Variants in TRPM3 observed in about 807,000 individuals in gnomAD.
The protein encoded by TRPM3 is long transient receptor potential channel 3.
In TRPM3, 77 loss-of-function variants were observed where a neutral mutation model predicts 181.2. The observed-to-expected ratio is 0.42, with a 90% CI of 0.35 to 0.51. The LOEUF (loss-of-function observed/expected upper bound fraction) is 0.51. TRPM3 is among the 20% of genes least tolerant of loss of function. The probability of loss-of-function intolerance (pLI) is 0.01; values close to 1 mark genes in which losing one functional copy is unlikely to be tolerated. For synonymous variants in TRPM3, 745 were observed against 796.4 expected, an observed-to-expected ratio of 0.94 and a Z score of 1.09; for missense variants, 1,759 against 2,196.7, an observed-to-expected ratio of 0.80 and a Z score of 3.98.
At chr9:71,158,850 A>G (rs925780871) in intron 1 of TRPM3, among the ~76,000 whole-genome samples, 4 of 152,094 alleles carry the variant, frequency 2.6e-5, no homozygotes, top group Non-Finnish European at 5.9e-5. Context: ...GCATGAATAG[A>G]ACTAAAAAGA....
intron 5 of TRPM3, among the ~76,000 whole-genome samples, chr9:70,835,639 G>T (rs2094269679): frequency 6.6e-6 from 1 of 152,080 alleles, no homozygotes; most frequent in Non-Finnish European, 1.5e-5. Flanking sequence ...ACGCTTGCCA[G>T]TTGGGTGACC....
chr9:70,550,834 A>G (rs186194975), intron 24 of TRPM3, among the ~76,000 whole-genome samples: 1 of 152,326 alleles, frequency 6.6e-6, no homozygotes, highest in Admixed American at 6.5e-5. Context: ...AGAAAATACC[A>G]GAAATTAGAC....
chr9:71,289,742 C>G (rs1039210593), intron 1 of TRPM3, among the ~76,000 whole-genome samples: 1 of 151,696 alleles, frequency 6.6e-6, no homozygotes, highest in African/African-American at 2.4e-5. Context: ...GTGGCTCATG[C>G]TTGTAATCCC....
At chr9:70,997,952 A>G (rs2097557164) in intron 1 of TRPM3, among the ~76,000 whole-genome samples, 1 of 151,958 alleles carries the variant, frequency 6.6e-6, no homozygotes, top group South Asian at 2.1e-4. Context: ...AAGCCTCACA[A>G]TAGAATGTCC....
At chr9:71,282,955 T>C (rs1457434548) in intron 1 of TRPM3, among the ~76,000 whole-genome samples, 2 of 152,194 alleles carry the variant, frequency 1.3e-5, no homozygotes, top group African/African-American at 4.8e-5. Flanking sequence ...TTAGGCCTTC[T>C]TTCCTCCTTT....
At chr9:70,823,498 T>C (rs977935073) in intron 6 of TRPM3, among the ~76,000 whole-genome samples, 3 of 152,252 alleles carry the variant, frequency 2.0e-5, no homozygotes, top group Non-Finnish European at 2.9e-5. Context: ...ATTCAGGTTG[T>C]TGCATAAACG....
chr9:70,546,640 G>C (rs1399508554), intron 25 of TRPM3, among the ~76,000 whole-genome samples: 1 of 148,804 alleles, frequency 6.7e-6, no homozygotes, highest in African/African-American at 2.5e-5. Flanking sequence ...TTCAAGAATT[G>C]GTTATCTTCA....
chr9:71,256,685 G>A (rs1449312199), intron 1 of TRPM3, among the ~76,000 whole-genome samples: 1 of 152,088 alleles, frequency 6.6e-6, no homozygotes, highest in East Asian at 1.9e-4. Context: ...CCTGACATGG[G>A]ACCTAGATAC....
chr9:70,671,478 C>T (rs1489722158), intron 9 of TRPM3, among the ~76,000 whole-genome samples: 1 of 151,960 alleles, frequency 6.6e-6, no homozygotes, highest in Non-Finnish European at 1.5e-5. Context: ...TTCACAAATT[C>T]TTGTCAAAAA....
intron 1 of TRPM3, among the ~76,000 whole-genome samples, chr9:71,266,583 G>A (rs2083409003): frequency 6.6e-6 from 1 of 152,050 alleles, no homozygotes; most frequent in South Asian, 2.1e-4. Flanking sequence ...ATTTCAGTGT[G>A]TTTTGTGTTT....
chr9:71,060,019 C>G (rs1291968821), intron 1 of TRPM3, among the ~76,000 whole-genome samples: 5 of 152,044 alleles, frequency 3.3e-5, no homozygotes, highest in Admixed American at 2.0e-4. Context: ...GACCTGAGAG[C>G]TGTATACATA....
At chr9:71,347,777 T>C (rs939272693) in intron 1 of TRPM3, among the ~76,000 whole-genome samples, 2 of 151,912 alleles carry the variant, frequency 1.3e-5, no homozygotes, top group African/African-American at 4.8e-5. Context: ...ATAAATTAAA[T>C]GAAAAATAAT....
chr9:71,279,796 G>A lies in TRPM3; in HGVS notation c.183+166857C>T, dbSNP rs542670828. On this transcript the variant is annotated intron_variant, in intron 1 of 24. Coordinates refer to the TRPM3 transcript ENST00000357533. ...ACCCAGCATTGACGGAAATTATCCC[G>A]GCCGGGCGCGGTGGCTCATGCCTGT... Among the ~76,000 whole-genome samples, 8 of 152,226 alleles carry A rather than the reference G, an allele frequency of 5.3e-5. No homozygotes were observed. In the South Asian group the frequency reaches 1.5e-3, roughly 28 times the overall value.
intron 1 of TRPM3, among the ~76,000 whole-genome samples, chr9:71,436,298 C>CTTT (rs71352382): frequency 1.7e-3 from 130 of 77,306 alleles, no homozygotes; most frequent in East Asian, 6.5e-3. Flanking sequence ...TTTTTTCTTT[C>CTTT]TTTTTTTTTT....
At chr9:71,080,762 T>C (rs1195007655) in intron 1 of TRPM3, among the ~76,000 whole-genome samples, 1 of 152,154 alleles carries the variant, frequency 6.6e-6, no homozygotes, top group South Asian at 2.1e-4. Context: ...AAAAACACCA[T>C]GACAGGTTGA....
chr9:71,145,456 A>G (rs1483701598), intron 1 of TRPM3, among the ~76,000 whole-genome samples: 2 of 152,172 alleles, frequency 1.3e-5, no homozygotes, highest in African/African-American at 4.8e-5. Flanking sequence ...AGAAAATACC[A>G]CACCATTGGA....
intron 1 of TRPM3, among the ~76,000 whole-genome samples, chr9:70,898,018 C>A (rs1247832553): frequency 6.6e-6 from 1 of 152,150 alleles, no homozygotes; most frequent in Non-Finnish European, 1.5e-5. Flanking sequence ...GCTTGAATAA[C>A]ATCCCCGACC....
chr9:70,697,349 A>G (rs184671657), intron 8 of TRPM3, among the ~76,000 whole-genome samples: 1 of 152,332 alleles, frequency 6.6e-6, no homozygotes, highest in East Asian at 1.9e-4. Flanking sequence ...ATGGAATTCA[A>G]TCAAAGAAAA....
At chr9:70,877,064 A>G (rs1045438383) in intron 1 of TRPM3, among the ~76,000 whole-genome samples, 13 of 152,064 alleles carry the variant, frequency 8.5e-5, no homozygotes, top group African/African-American at 2.9e-4. Context: ...AATATCAGAT[A>G]TCCATCATTA....
Sources: allele counts gnomAD v4.1 joint callset (sites outside exome capture counted in the v4.1 genomes callset), GRCh38; gene constraint gnomAD v4.1.1; transcripts MANE v1.5; gene names NCBI Gene and HGNC (gene_info 2026-07-23, HGNC 2026-07-21).